DNAH14: variants seen among roughly 807,000 people sequenced by gnomAD.
The protein encoded by DNAH14 is axonemal beta dynein heavy chain 14.
DNAH14 carries 478 observed loss-of-function variants against 520.9 expected under a neutral mutation model. The ratio of observed to expected loss-of-function variants is 0.92; its 90% CI spans 0.85 to 0.99. DNAH14 has a LOEUF of 0.99. Among genes scored for constraint, DNAH14 ranks in the 50% least tolerant of loss-of-function variants. The probability of loss-of-function intolerance (pLI) is 0.00; values close to 1 mark genes in which losing one functional copy is unlikely to be tolerated. For synonymous variants in DNAH14, 1,581 were observed against 1,757.2 expected (o/e 0.90, Z 2.51); for missense variants, 4,831 against 5,234.5 (o/e 0.92, Z 2.38).
intron 31 of DNAH14, among the ~76,000 whole-genome samples, chr1:225,148,117 T>C (rs899458244): frequency 1.3e-5 from 2 of 152,182 alleles, no homozygotes; most frequent in African/African-American, 4.8e-5. Context: ...GTCATTATGA[T>C]AGAACAATTT....
At chr1:225,297,870 A>C (rs2094045816) in intron 55 of DNAH14, among the ~76,000 whole-genome samples, 1 of 152,200 alleles carries the variant, frequency 6.6e-6, no homozygotes, top group Non-Finnish European at 1.5e-5. Context: ...TGTGTCTGCC[A>C]GAGTTGCCCA....
intron 40 of DNAH14, 21 bp downstream of exon 40, chr1:225,206,200 G>A (rs1219308868): frequency 4.0e-6 from 6 of 1,516,940 alleles, no homozygotes; most frequent in Non-Finnish European, 5.3e-6. Context: ...AAAAACAAAT[G>A]TTTTAACAAA....
intron 83 of DNAH14, among the ~76,000 whole-genome samples, chr1:225,391,569 AG>A (rs2095913867): frequency 6.6e-6 from 1 of 151,938 alleles, no homozygotes; most frequent in South Asian, 2.1e-4. Flanking sequence ...AGCAGGGAGT[AG>A]GGGGCATTTA....
chr1:225,374,908 T>C lies in DNAH14; in HGVS notation c.12516+23T>C, dbSNP rs986448721. 7 of 1,505,718 alleles carry C rather than the reference T, an allele frequency of 4.6e-6. No individual in the cohort carries two copies. In the East Asian group the frequency reaches 1.5e-4, roughly 32 times the overall value. 93.3% of individuals were successfully genotyped at this position (1,505,718 alleles called of 1,614,324 possible). Reference sequence around the variant, plus strand: ...GGGGTAGGAAAAGAATCAATCTTCTTGCATTTCTCGATAATTTTAAAGTAA... The same window carrying C: ...GGGGTAGGAAAAGAATCAATCTTCTCGCATTTCTCGATAATTTTAAAGTAA... On this transcript the variant is annotated intron_variant, in intron 78 of 85. Coordinates refer to ENST00000682510, the MANE Select transcript of DNAH14 (RefSeq NM_001367479.1).
chr1:225,073,157 C>T (rs1190419661), intron 17 of DNAH14, among the ~76,000 whole-genome samples: 1 of 152,116 alleles, frequency 6.6e-6, no homozygotes, highest in Non-Finnish European at 1.5e-5. Flanking sequence ...TTGGGAGGCC[C>T]CACAGGATGA....
intron 41 of DNAH14, among the ~76,000 whole-genome samples, chr1:225,215,702 A>G (rs1248202156): frequency 6.6e-6 from 1 of 152,052 alleles, no homozygotes; most frequent in African/African-American, 2.4e-5. Flanking sequence ...GTTTTATTAG[A>G]GACTAGGATT....
chr1:225,072,277 C>T (rs3105551), intron 17 of DNAH14, among the ~76,000 whole-genome samples: 68 of 152,152 alleles, frequency 4.5e-4, no homozygotes, highest in African/African-American at 1.6e-3. Flanking sequence ...GTTTTATTTC[C>T]GAAAGGCAGT....
chr1:224,968,953 C>T (rs10495229), intron 7 of DNAH14, 79 bp downstream of exon 7: 50,827 of 934,536 alleles, frequency 0.054, 2,622 homozygotes, highest in East Asian at 0.24. Context: ...CATCTGGGTT[C>T]TACTACAGTA....
intron 28 of DNAH14, among the ~76,000 whole-genome samples, chr1:225,143,058 G>A (rs2079597534): frequency 6.6e-6 from 1 of 151,568 alleles, no homozygotes. Flanking sequence ...AACTGCTTTG[G>A]ACCTAAAACT....
chr1:225,032,103 G>A (rs1018729709), intron 11 of DNAH14, among the ~76,000 whole-genome samples: 3 of 151,718 alleles, frequency 2.0e-5, no homozygotes, highest in Non-Finnish European at 4.4e-5. Flanking sequence ...TTTTAGGTTT[G>A]GGGGTACATG....
intron 37 of DNAH14, among the ~76,000 whole-genome samples, chr1:225,191,792 G>T (rs532178058): frequency 4.0e-5 from 6 of 151,734 alleles, no homozygotes; most frequent in Admixed American, 1.3e-4. Context: ...CCTGTCTTCA[G>T]GTTTGCTCAT....
intron 36 of DNAH14, among the ~76,000 whole-genome samples, chr1:225,183,745 A>C (rs930769156): frequency 1.3e-5 from 2 of 152,052 alleles, no homozygotes; most frequent in African/African-American, 4.8e-5. Flanking sequence ...ATGATGTTAT[A>C]AACTACCCTA....
At chr1:225,054,568 A>G (rs2068851193) in intron 17 of DNAH14, among the ~76,000 whole-genome samples, 1 of 152,154 alleles carries the variant, frequency 6.6e-6, no homozygotes, top group Non-Finnish European at 1.5e-5. Context: ...TCAGACATAC[A>G]TAAATCCTGA....
At chr1:225,070,577 G>A (rs1213099699) in intron 17 of DNAH14, among the ~76,000 whole-genome samples, 1 of 152,100 alleles carries the variant, frequency 6.6e-6, no homozygotes. Context: ...AAGACAGTTT[G>A]TTATGATTTC....
At chr1:225,032,770 C>G (rs2066629054) in intron 11 of DNAH14, among the ~76,000 whole-genome samples, 1 of 152,046 alleles carries the variant, frequency 6.6e-6, no homozygotes, top group African/African-American at 2.4e-5. Flanking sequence ...TAATAATAAC[C>G]ATTCTGACTG....
chr1:225,043,057 C>T lies in DNAH14; in HGVS notation c.1711C>T (p.Leu571Phe). 2 of 1,551,374 alleles carry T rather than the reference C, an allele frequency of 1.3e-6. No individual in the cohort carries two copies. Among genetic ancestry groups the T allele is most frequent in the Non-Finnish European group, 1.7e-6 (2 of 1,146,940 alleles). ...CAAAAAACACTCAAGTGAAGAATTG[C>T]TCCCAAAAGCCAAGAAATCAAAAGA... ...CVKKHSSEEL[L>F]PKAKKSKEIS... The change falls in exon 13 of 86, where the codon CTC (leucine) becomes TTC (phenylalanine). Residue 571 changes from leucine (L) to phenylalanine (F), a missense_variant. By Grantham distance (22) the Leu-to-Phe change is conservative. Transcript: ENST00000682510.
chr1:224,966,741 C>T (rs551010643), intron 5 of DNAH14, among the ~76,000 whole-genome samples: 1 of 152,248 alleles, frequency 6.6e-6, no homozygotes, highest in Non-Finnish European at 1.5e-5. Flanking sequence ...GCTGAAGCCA[C>T]AATGGTGTGA....
rs78320839 is a variant in DNAH14, at chr1:225,050,248, A to G, written c.1951A>G (p.Ile651Val). Residue 651 changes from isoleucine (I) to valine (V), a missense_variant, in exon 16 of 86, where the codon ATC becomes GTC. Physicochemically the swap from Ile to Val is conservative, Grantham distance 29 (BLOSUM62 3). Coordinates refer to ENST00000682510, the MANE Select transcript of DNAH14 (RefSeq NM_001367479.1). The stretch of plus-strand genomic sequence containing the variant: ...TCTTTGCCAAGATCCCCAGCTGTCT[A>G]TCTTCATTGATTTGGTTTCAATAAT... ...TPLCQDPQLSIFIDLVSIMDL... is the reference protein window; with the variant it reads ...TPLCQDPQLSVFIDLVSIMDL... The G allele has an allele frequency of 0.016, 24,390 of 1,549,112 alleles. 236 individuals are homozygous for G. Among genetic ancestry groups the G allele is most frequent in the Non-Finnish European group, 0.018 (20,348 of 1,146,110 alleles).
chr1:225,007,289 G>C, intron 9 of DNAH14, 124 bp from the exon 10 acceptor site: 1 of 689,266 alleles, frequency 1.5e-6, no homozygotes. Flanking sequence ...AAGTCATATA[G>C]GATATACAGA....
Sources: gnomAD v4.1 joint callset for allele counts (sites outside exome capture counted in the v4.1 genomes callset) on GRCh38, gnomAD v4.1.1 for gene constraint, MANE v1.5 for transcripts, NCBI Gene and HGNC (gene_info 2026-07-23, HGNC 2026-07-21) for gene names.